XYLT1: variants seen among roughly 807,000 people sequenced by gnomAD.
The protein encoded by XYLT1 is xylosyltransferase 1, also known as beta-D-xylosyltransferase 1.
Under a neutral mutation model 91.3 loss-of-function variants are expected in XYLT1, and 36 were observed. That is an observed-to-expected ratio of 0.39 (90% CI 0.30 to 0.52). The LOEUF (loss-of-function observed/expected upper bound fraction) is 0.52. Among genes scored for constraint, XYLT1 ranks in the 20% least tolerant of loss-of-function variants. XYLT1 has a pLI of 0.68. For synonymous variants in XYLT1, 588 were observed against 532.0 expected (o/e 1.11, Z -1.45); for missense variants, 1,242 against 1,284.5 (o/e 0.97, Z 0.51).
chr16:17,190,444 C>A (rs180929819), intron 5 of XYLT1, among the ~76,000 whole-genome samples: 11,098 of 123,250 alleles, frequency 0.09, 593 homozygotes, highest in Admixed American at 0.22. Context: ...TCCCTCCCCC[C>A]TCCCCCCACC....
chr16:17,166,161 A>G (rs886235615), intron 5 of XYLT1, among the ~76,000 whole-genome samples: 2 of 152,214 alleles, frequency 1.3e-5, no homozygotes, highest in African/African-American at 4.8e-5. Flanking sequence ...TCACATGGAG[A>G]TGGAAAGGAC....
intron 6 of XYLT1, among the ~76,000 whole-genome samples, chr16:17,147,419 G>C (rs1410949269): frequency 6.6e-6 from 1 of 152,170 alleles, no homozygotes; most frequent in Non-Finnish European, 1.5e-5. Context: ...TTAATTTCAT[G>C]TTCCATTATA....
chr16:17,348,443 G>A (rs1461631653), intron 2 of XYLT1, among the ~76,000 whole-genome samples: 10 of 152,156 alleles, frequency 6.6e-5, no homozygotes, highest in African/African-American at 2.4e-4. Flanking sequence ...CTGCAGAAGA[G>A]GGAGGCCTAA....
At chr16:17,230,746 A>G (rs766981321) in intron 3 of XYLT1, among the ~76,000 whole-genome samples, 4 of 152,078 alleles carry the variant, frequency 2.6e-5, no homozygotes, top group African/African-American at 7.2e-5. Flanking sequence ...GGTCCCTTCA[A>G]TGTAGGCATT....
chr16:17,233,308 G>A (rs752411333), intron 3 of XYLT1, among the ~76,000 whole-genome samples: 1 of 152,224 alleles, frequency 6.6e-6, no homozygotes, highest in South Asian at 2.1e-4. Flanking sequence ...TGCAGGCCAG[G>A]CACTGCCCAT....
At chr16:17,298,419 A>T (rs1438736628) in intron 2 of XYLT1, among the ~76,000 whole-genome samples, 2 of 152,190 alleles carry the variant, frequency 1.3e-5, no homozygotes, top group Admixed American at 6.5e-5. Flanking sequence ...CCCATTTTAC[A>T]GATGAGGAAG....
chr16:17,392,841 C>T (rs1047874312), intron 1 of XYLT1, among the ~76,000 whole-genome samples: 9 of 152,186 alleles, frequency 5.9e-5, no homozygotes, highest in Middle Eastern at 3.4e-3. Context: ...GTATATTTGA[C>T]GTTTCCCTCC....
intron 1 of XYLT1, among the ~76,000 whole-genome samples, chr16:17,396,415 GGACCTTC>G (rs2035887407): frequency 6.6e-6 from 1 of 152,196 alleles, no homozygotes; most frequent in African/African-American, 2.4e-5. Flanking sequence ...GATAGCAGCA[GGACCTTC>G]CACACAAACT....
chr16:17,426,711 A>G (rs2036323106), intron 1 of XYLT1, among the ~76,000 whole-genome samples: 1 of 152,214 alleles, frequency 6.6e-6, no homozygotes, highest in Admixed American at 6.5e-5. Flanking sequence ...CTTTTGCCCA[A>G]CAATGGCAGA....
At chr16:17,316,911 AC>A (rs1165157660) in intron 2 of XYLT1, among the ~76,000 whole-genome samples, 1 of 144,604 alleles carries the variant, frequency 6.9e-6, no homozygotes, top group African/African-American at 2.6e-5. Context: ...AGGCTCCGTC[AC>A]CTGGGGTTCA....
chr16:17,268,639 G>C (rs948595306), intron 2 of XYLT1, among the ~76,000 whole-genome samples: 4 of 150,708 alleles, frequency 2.7e-5, no homozygotes, highest in African/African-American at 7.3e-5. Context: ...ACACAGAACA[G>C]ATAGAAATCG....
intron 2 of XYLT1, among the ~76,000 whole-genome samples, chr16:17,277,269 T>C (rs2033991449): frequency 6.6e-6 from 1 of 152,158 alleles, no homozygotes. Context: ...CATGTGTGTA[T>C]TGTGTGATGC....
intron 5 of XYLT1, among the ~76,000 whole-genome samples, chr16:17,167,571 A>G (rs1022956390): frequency 1.3e-5 from 2 of 151,008 alleles, no homozygotes; most frequent in African/African-American, 4.9e-5. Flanking sequence ...CATCTCGTGA[A>G]GGGATTCTAA....
At chr16:17,329,622 C>T (rs970080691) in intron 2 of XYLT1, among the ~76,000 whole-genome samples, 1 of 152,132 alleles carries the variant, frequency 6.6e-6, no homozygotes, top group Non-Finnish European at 1.5e-5. Context: ...AGGAAATAAA[C>T]ACTCATGGAA....
chr16:17,347,307 G>A lies in XYLT1; in HGVS notation c.402+10705C>T, dbSNP rs577994887. ...GGAAGGAGCTGAAGGCCTGTCCCCC[G>A]CCTCTCCCCACCCCACCATGCCCTA... On this transcript the variant is annotated intron_variant, in intron 2 of 11. Transcript: ENST00000261381. 2.3e-4 allele frequency among the ~76,000 whole-genome samples: 35 copies of A among 152,140 alleles called. No individual in the cohort carries two copies. In the South Asian group the frequency reaches 5.6e-3, roughly 24 times the overall value.
At chr16:17,184,348 T>C (rs575969961) in intron 5 of XYLT1, among the ~76,000 whole-genome samples, 3 of 152,142 alleles carry the variant, frequency 2.0e-5, no homozygotes, top group South Asian at 2.1e-4. Context: ...AGAAAATACA[T>C]TGCAAAATTC....
At chr16:17,428,620 T>C (rs1274113566) in intron 1 of XYLT1, among the ~76,000 whole-genome samples, 1 of 152,192 alleles carries the variant, frequency 6.6e-6, no homozygotes, top group Non-Finnish European at 1.5e-5. Flanking sequence ...AAGCATCTCT[T>C]GTCATCAATG....
At chr16:17,345,967 C>T (rs549427881) in intron 2 of XYLT1, among the ~76,000 whole-genome samples, 20 of 152,184 alleles carry the variant, frequency 1.3e-4, no homozygotes, top group Non-Finnish European at 2.4e-4. Context: ...TGTGCCACCA[C>T]ACGTGGCTAA....
At chr16:17,420,709 A>G (rs1324325314) in intron 1 of XYLT1, among the ~76,000 whole-genome samples, 1 of 152,150 alleles carries the variant, frequency 6.6e-6, no homozygotes, top group African/African-American at 2.4e-5. Context: ...GAAGGGTGCA[A>G]ATGTTCTTTC....
Sources: allele counts gnomAD v4.1 joint callset (sites outside exome capture counted in the v4.1 genomes callset), GRCh38; gene constraint gnomAD v4.1.1; transcripts MANE v1.5; gene names NCBI Gene and HGNC (gene_info 2026-07-23, HGNC 2026-07-21).